Variants in NCOR2 observed in about 807,000 individuals in gnomAD.
NCOR2 encodes the protein nuclear receptor corepressor 2.
In NCOR2, 81 loss-of-function variants were observed where a neutral mutation model predicts 262.9. The observed-to-expected ratio is 0.31, with a 90% confidence interval of 0.26 to 0.37. The LOEUF is 0.37. NCOR2 is among the 10% of genes least tolerant of loss of function. NCOR2 has a pLI of 1.00. For synonymous variants in NCOR2, 1,659 were observed against 1,559.3 expected (o/e 1.06, Z -1.51); for missense variants, 3,385 against 3,621.4 (o/e 0.93, Z 1.68).
chr12:124,455,574 G>A (rs1340558137), intron 6 of NCOR2, among the ~76,000 whole-genome samples: 5 of 152,204 alleles, frequency 3.3e-5, no homozygotes, highest in African/African-American at 7.2e-5. Flanking sequence ...GACGGACCCC[G>A]GGCTTTGGGG....
At chr12:124,557,466 G>C (rs1023545697) in intron 1 of NCOR2, among the ~76,000 whole-genome samples, 1 of 152,106 alleles carries the variant, frequency 6.6e-6, no homozygotes, top group African/African-American at 2.4e-5. Context: ...CTTCTCCTCT[G>C]TGTCTTTTTG....
chr12:124,514,425 A>T (rs1435637123), intron 1 of NCOR2: 1 of 152,290 alleles, frequency 6.6e-6, no homozygotes, highest in Non-Finnish European at 1.5e-5. Context: ...TGGTGGTGAC[A>T]GTGTTACAAG....
At chr12:124,329,186 C>T (rs756781162) in intron 44 of NCOR2, 28 of 467,200 alleles carry the variant, frequency 6.0e-5, no homozygotes, top group Middle Eastern at 3.2e-4. Context: ...TCAGGCTGGG[C>T]GTGACTGCTC....
At chr12:124,550,819 A>G (rs2051692286) in intron 1 of NCOR2, among the ~76,000 whole-genome samples, 1 of 152,220 alleles carries the variant, frequency 6.6e-6, no homozygotes, top group South Asian at 2.1e-4. Flanking sequence ...CACCCCTGGC[A>G]TCACCAGGAG....
At chr12:124,480,138 G>A (rs2047368204) in intron 3 of NCOR2, among the ~76,000 whole-genome samples, 1 of 152,226 alleles carries the variant, frequency 6.6e-6, no homozygotes, top group Admixed American at 6.5e-5. Flanking sequence ...GGCAGAAAAG[G>A]GGACCCTGTA....
chr12:124,562,167 A>C (rs1270812885), intron 1 of NCOR2: 1 of 152,148 alleles, frequency 6.6e-6, no homozygotes, highest in Non-Finnish European at 1.5e-5. Flanking sequence ...GTGGCTGTTT[A>C]AATTTAAGTA....
At chr12:124,510,346 C>A (rs1055411046) in intron 1 of NCOR2, among the ~76,000 whole-genome samples, 9 of 152,202 alleles carry the variant, frequency 5.9e-5, no homozygotes, top group Non-Finnish European at 1.2e-4. Context: ...TGAGCAAATG[C>A]CACTTCCATC....
exon 22 of NCOR2, chr12:124,362,281 T>C (rs757797508): frequency 7.6e-7 from 1 of 1,314,790 alleles, no homozygotes; most frequent in Non-Finnish European, 9.7e-7. Flanking sequence ...GGGGGGCTCA[T>C]GGACTTTGGT....
Position 124,336,465 on chromosome 12 carries a change from AG to A in NCOR2, c.6115+287del, listed in dbSNP as rs555204193. ...CAAATGATGAGCGCCCCCAAACCAG[AG>A]GGGCAGGCGCGGCCGGAGTAGTCGT... On this transcript the variant is annotated intron_variant, in intron 38 of 46. Coordinates refer to ENST00000405201, the Ensembl canonical transcript of NCOR2. 3 of 472,352 alleles carry A rather than the reference AG, an allele frequency of 6.4e-6. No individual in the cohort carries two copies. The South Asian group carries it at 1.7e-4, about 27-fold the overall frequency. The allele number at this position is 472,352 out of a possible 1,614,324, so 29.3% of individuals were successfully genotyped here. A position where few individuals can be genotyped will look rare whatever the true frequency, so the allele number is the denominator to read the frequency against.
In NCOR2 at chr12:124,331,221, C is replaced by A. The variant is rs554670111; in HGVS notation, c.6905-323G>T. ...GGGGTTACAGACATCCGCCACCACG[C>A]CTGGCTAATTTTTGTATTTTTAGTA... On this transcript the variant is annotated intron_variant, in intron 43 of 46. Transcript: ENST00000405201. Among the ~76,000 whole-genome samples the A allele has an allele frequency of 3.3e-5, 5 of 152,132 alleles. No homozygotes were observed. The South Asian group carries it at 1.0e-3, about 32-fold the overall frequency.
At chr12:124,329,169 G>GA (rs749668200) in intron 44 of NCOR2, 10 of 469,216 alleles carry the variant, frequency 2.1e-5, no homozygotes, top group East Asian at 1.4e-4. Context: ...TGCATAAAAA[G>GA]AAAAAATCAG....
At position 124,420,155 on chromosome 12, in the gene NCOR2, C is replaced by T. The variant is rs1462883635; in HGVS notation, c.1384-100G>A. On this transcript the variant is annotated intron_variant, in intron 12 of 46. Transcript: ENST00000405201. ...CTGGGCTCATATCCTGCCTCTTCCA[C>T]GTACCGGCTGGGTGACCTCGGACAG... is the stretch of plus-strand genomic sequence containing the variant. 18 of 973,216 alleles carry T rather than the reference C, an allele frequency of 1.8e-5. No homozygotes were observed. The African/African-American group carries it at 2.1e-4, about 11-fold the overall frequency. The allele number at this position is 973,216 out of a possible 1,614,324, so 60.3% of individuals were successfully genotyped here. A position where few individuals can be genotyped will look rare whatever the true frequency, so the allele number is the denominator to read the frequency against.
intron 25 of NCOR2, 55 bp downstream of exon 27, chr12:124,354,782 C>T: frequency 6.5e-7 from 1 of 1,546,400 alleles, no homozygotes; most frequent in Admixed American, 1.9e-5. Context: ...GCCCCACCCA[C>T]AGGACAGCCA....
At chr12:124,419,072 G>T (rs946824518) in intron 13 of NCOR2, among the ~76,000 whole-genome samples, 11 of 152,136 alleles carry the variant, frequency 7.2e-5, no homozygotes, top group Non-Finnish European at 1.5e-4. Flanking sequence ...TCTGCTCTGA[G>T]ACGATGCTTC....
exon 25 of NCOR2, chr12:124,354,924 G>C: frequency 6.2e-7 from 1 of 1,613,050 alleles, no homozygotes; most frequent in Non-Finnish European, 8.5e-7. Flanking sequence ...GGGACGTGGA[G>C]CTGGACCGAC....
At chr12:124,393,576 T>A (rs541565635) in intron 16 of NCOR2, among the ~76,000 whole-genome samples, 1 of 152,310 alleles carries the variant, frequency 6.6e-6, no homozygotes, top group Middle Eastern at 3.4e-3. Context: ...CATGGGGCCT[T>A]TGCACATGCC....
At chr12:124,429,522 C>T in intron 10 of NCOR2, 91 bp downstream of exon 12, 2 of 1,394,102 alleles carry the variant, frequency 1.4e-6, no homozygotes, top group Non-Finnish European at 9.9e-7. Context: ...ACGTAAACCA[C>T]CCGGGAGGTG....
Position 124,531,781 on chromosome 12 carries a change from C to A in NCOR2, c.-118+3784G>T, listed in dbSNP as rs1379102119. 6.6e-6 allele frequency among the ~76,000 whole-genome samples: 1 copy of A among 151,894 alleles called. No individual in the cohort carries two copies. Among genetic ancestry groups the A allele is most frequent in the Admixed American group, 6.5e-5 (1 of 15,274 alleles). On this transcript the variant is annotated intron_variant, in intron 1 of 46. Coordinates refer to the NCOR2 transcript ENST00000404621. The surrounding 1 kb of genome is among the most constrained non-coding windows in gnomAD (Gnocchi z 4.5). ...GGCCCTAAAACCTCCCCCTACACAC[C>A]TTCGGTGTCCCCGATCACCCGCCCA...
intron 13 of NCOR2, among the ~76,000 whole-genome samples, chr12:124,415,190 C>A (rs758940917): frequency 6.6e-5 from 10 of 152,208 alleles, no homozygotes; most frequent in Non-Finnish European, 1.5e-4. Context: ...TGTGTGCTCA[C>A]AGCCTTGGCG....
Sources: gnomAD v4.1 joint callset for allele counts (sites outside exome capture counted in the v4.1 genomes callset) on GRCh38, gnomAD v4.1.1 for gene constraint, Gnocchi (gnomAD v3.1) non-coding constraint, MANE v1.5 for transcripts, NCBI Gene and HGNC (gene_info 2026-07-23, HGNC 2026-07-21) for gene names.